The following WDPCP variants were observed in gnomAD, a reference collection of about 807,000 sequenced individuals.
WDPCP encodes the protein WD repeat-containing and planar cell polarity effector protein fritz homolog.
Under a neutral mutation model 93.1 loss-of-function variants are expected in WDPCP, and 71 were observed. The observed-to-expected ratio is 0.76, with a 90% CI of 0.63 to 0.93. WDPCP has a LOEUF of 0.93. Ranked by LOEUF, WDPCP falls within the 40% of genes least tolerant of loss-of-function variation. The pLI, the probability that WDPCP is intolerant of heterozygous loss-of-function variation, is 0.00. For missense variants in WDPCP, 844 were observed against 887.4 expected, an observed-to-expected ratio of 0.95 and a Z score of 0.62; for synonymous variants, 315 against 315.0, an observed-to-expected ratio of 1.00 and a Z score of 0.00.
intron 3 of WDPCP, among the ~76,000 whole-genome samples, chr2:63,635,813 C>G (rs941948183): frequency 2.6e-5 from 4 of 152,142 alleles, no homozygotes; most frequent in Admixed American, 6.5e-5. Flanking sequence ...CAAGGATGTC[C>G]TCTCTTGCCG....
intron 15 of WDPCP, among the ~76,000 whole-genome samples, chr2:63,166,038 C>T (rs1390471815): frequency 1.3e-5 from 2 of 151,072 alleles, no homozygotes; most frequent in East Asian, 3.9e-4. Flanking sequence ...TTGTTTTTTG[C>T]TTTGTAAATT....
At chr2:63,340,944 A>G (rs1018962936) in intron 12 of WDPCP, among the ~76,000 whole-genome samples, 49 of 152,274 alleles carry the variant, frequency 3.2e-4, no homozygotes, top group African/African-American at 1.1e-3. Flanking sequence ...TGTACCCCGT[A>G]AGTTTCACTG....
chr2:63,616,031 G>A (rs968032756), intron 3 of WDPCP, among the ~76,000 whole-genome samples: 1 of 152,200 alleles, frequency 6.6e-6, no homozygotes, highest in Non-Finnish European at 1.5e-5. Context: ...TCAACAGAGA[G>A]ATTAGTCTGT....
intron 2 of WDPCP, among the ~76,000 whole-genome samples, chr2:63,756,305 T>C (rs562655248): frequency 4.7e-4 from 72 of 152,334 alleles, no homozygotes; most frequent in African/African-American, 1.6e-3. Context: ...TAAAAAATTC[T>C]GTATCCTTTG....
intron 2 of WDPCP, among the ~76,000 whole-genome samples, chr2:63,789,454 G>C (rs1300200146): frequency 6.6e-6 from 1 of 152,158 alleles, no homozygotes. Flanking sequence ...CCCAAGGGTA[G>C]TGACTTCATA....
At chr2:63,582,661 G>T (rs1056451573) in intron 1 of WDPCP, among the ~76,000 whole-genome samples, 1 of 151,948 alleles carries the variant, frequency 6.6e-6, no homozygotes, top group African/African-American at 2.4e-5. Flanking sequence ...AGAGAAAAAT[G>T]TTAAAAGCAG....
intron 6 of WDPCP, among the ~76,000 whole-genome samples, chr2:63,460,566 A>G (rs10171223): frequency 0.81 from 122,731 of 152,154 alleles, 50,160 homozygotes; most frequent in East Asian, 0.98. Context: ...TTCTTTGCAT[A>G]TAAACACTCA....
intron 6 of WDPCP, among the ~76,000 whole-genome samples, chr2:63,458,122 C>CAA (rs1225404392): frequency 1.4e-4 from 8 of 56,394 alleles, no homozygotes; most frequent in African/African-American, 2.6e-4. Flanking sequence ...GACTCCGTCT[C>CAA]AAAAAAAAAA....
chr2:63,373,395 G>A (rs1225344218), intron 12 of WDPCP, among the ~76,000 whole-genome samples: 2 of 151,412 alleles, frequency 1.3e-5, no homozygotes, highest in African/African-American at 2.4e-5. Context: ...GACTACAGGC[G>A]TGTGCCACCA....
At chr2:63,362,230 G>A (rs1332530872) in intron 12 of WDPCP, among the ~76,000 whole-genome samples, 2 of 135,176 alleles carry the variant, frequency 1.5e-5, no homozygotes, top group Admixed American at 1.5e-4. Context: ...ATTGTTACAT[G>A]CATATCCTGG....
chr2:63,839,706 G>C, the WDPCP span, among the ~76,000 whole-genome samples: 1 of 152,182 alleles, frequency 6.6e-6, no homozygotes, highest in Non-Finnish European at 1.5e-5. Context: ...TGCTTTTTCA[G>C]TGCTGGAACA....
At position 63,557,919 on chromosome 2, in the gene WDPCP, A is replaced by G. The variant is rs138036365; in HGVS notation, c.75+30278T>C. 1.1e-3 allele frequency among the ~76,000 whole-genome samples: 166 copies of G among 152,292 alleles called. 1 individual carries two copies. The highest frequency in any genetic ancestry group is 3.7e-3 in the African/African-American group (154 of 41,564). ...CTCCTGGGTAAATAATGAAATTAAG[A>G]CAGAAATCAAGAAGTTCTTTGAAAC... On this transcript the variant is annotated intron_variant, in intron 1 of 17. Transcript: ENST00000272321.
chr2:63,431,031 G>A (rs1696719359), intron 9 of WDPCP, among the ~76,000 whole-genome samples: 1 of 151,998 alleles, frequency 6.6e-6, no homozygotes. Flanking sequence ...CCTTTGTTTT[G>A]TTTTGTTTTC....
intron 13 of WDPCP, among the ~76,000 whole-genome samples, chr2:63,304,447 G>A (rs1270388336): frequency 6.6e-6 from 1 of 152,224 alleles, no homozygotes; most frequent in South Asian, 2.1e-4. Context: ...CTGAAGCAGG[G>A]TGGGGCATCG....
chr2:63,575,490 G>GTA (rs1315844753), intron 1 of WDPCP, among the ~76,000 whole-genome samples: 2 of 90,876 alleles, frequency 2.2e-5, no homozygotes, highest in African/African-American at 9.7e-5. Context: ...TGTATATATA[G>GTA]TATATACAGT....
intron 1 of WDPCP, among the ~76,000 whole-genome samples, chr2:63,530,498 C>T (rs1314551829): frequency 6.6e-6 from 1 of 151,910 alleles, no homozygotes; most frequent in Non-Finnish European, 1.5e-5. Flanking sequence ...TTGGAGTTCC[C>T]CTCCTATAAT....
rs187371729 is a variant in WDPCP, at chr2:63,353,660, C to T, written c.1748+24726G>A. ...AGTTTCCCAATCCTGTTCCTCCTCA[C>T]TTGGCAGGACCTCCCAACTAGGGTC... On this transcript the variant is annotated intron_variant, in intron 12 of 17. Transcript: ENST00000272321. Among the ~76,000 whole-genome samples the T allele has an allele frequency of 1.5e-3, 235 of 152,262 alleles. 1 individual carries two copies. Among genetic ancestry groups the T allele is most frequent in the Non-Finnish European group, 2.7e-3 (186 of 68,006 alleles).
intron 17 of WDPCP, among the ~76,000 whole-genome samples, chr2:63,125,757 C>T (rs961299809): frequency 2.6e-5 from 4 of 152,138 alleles, no homozygotes; most frequent in East Asian, 1.9e-4. Context: ...TACAGGCGCA[C>T]GTCACCACAT....
intron 3 of WDPCP, among the ~76,000 whole-genome samples, chr2:63,629,026 A>C (rs566746656): frequency 6.6e-6 from 1 of 152,342 alleles, no homozygotes; most frequent in South Asian, 2.1e-4. Flanking sequence ...ACATTCTTTC[A>C]TCTATTATTT....
Sources: allele counts gnomAD v4.1 joint callset (sites outside exome capture counted in the v4.1 genomes callset), GRCh38; gene constraint gnomAD v4.1.1; transcripts MANE v1.5; gene names NCBI Gene and HGNC (gene_info 2026-07-23, HGNC 2026-07-21).